HIP1: variants seen among roughly 807,000 people sequenced by gnomAD.
HIP1 encodes huntingtin-interacting protein 1.
Under a neutral mutation model 147.6 loss-of-function variants are expected in HIP1, and 65 were observed. The ratio of observed to expected loss-of-function variants is 0.44; its 90% CI spans 0.36 to 0.54. The LOEUF (loss-of-function observed/expected upper bound fraction) is 0.54, where lower values mean the gene tolerates loss of function less well. Among genes scored for constraint, HIP1 ranks in the 20% least tolerant of loss-of-function variants. The pLI is 0.00. For synonymous variants in HIP1, 479 were observed against 504.0 expected, an observed-to-expected ratio of 0.95 and a Z score of 0.67; for missense variants, 1,061 against 1,299.6, an observed-to-expected ratio of 0.82 and a Z score of 2.82.
intron 18 of HIP1, among the ~76,000 whole-genome samples, 164 bp from the exon 19 acceptor site, chr7:75,555,715 T>A (rs1374889130): frequency 1.3e-5 from 2 of 152,104 alleles, no homozygotes; most frequent in East Asian, 3.9e-4. Context: ...GTGCACAGGA[T>A]GTGCGGCTGC....
In HIP1 at chr7:75,615,861, G is replaced by A. The variant is rs370031851; in HGVS notation, c.121-16614C>T. 2.5e-3 allele frequency among the ~76,000 whole-genome samples: 374 copies of A among 152,042 alleles called. 1 individual carries two copies. Among genetic ancestry groups the A allele is most frequent in the African/African-American group, 8.3e-3 (344 of 41,490 alleles). ...AGCACTTTGGGAGGCTGAGGCAGGC[G>A]GATCACCTGAGGTCAGGAATTTGAG... On this transcript the variant is annotated intron_variant, in intron 1 of 30. Transcript: ENST00000336926.
At chr7:75,585,713 C>T (rs587736391) in intron 5 of HIP1, among the ~76,000 whole-genome samples, 1 of 152,160 alleles carries the variant, frequency 6.6e-6, no homozygotes, top group South Asian at 2.1e-4. Flanking sequence ...CCTATGTGCC[C>T]ACCCCTCTGC....
chr7:75,729,513 CA>C (rs1227874355), intron 1 of HIP1, among the ~76,000 whole-genome samples: 1 of 151,498 alleles, frequency 6.6e-6, no homozygotes, highest in African/African-American at 2.4e-5. Context: ...CGGCCGGGCG[CA>C]ATGGCTCACG....
intron 1 of HIP1, among the ~76,000 whole-genome samples, chr7:75,630,036 T>G (rs1407827395): frequency 6.6e-6 from 1 of 152,158 alleles, no homozygotes; most frequent in African/African-American, 2.4e-5. Context: ...CATGCACCTG[T>G]AGTCCCAGCT....
Position 75,537,518 on chromosome 7 carries a change from A to T in HIP1, c.*654T>A, listed in dbSNP as rs1186050962. Reference sequence around the variant, plus strand: ...AGAGTTGGCTATGTGAGTGAAACTTAAAAAAAAAAACAAAACCAAAAAACC... The same window carrying T: ...AGAGTTGGCTATGTGAGTGAAACTTTAAAAAAAAAACAAAACCAAAAAACC... On this transcript the variant is annotated 3_prime_UTR_variant, in exon 31 of 31. Coordinates refer to ENST00000336926, the MANE Select transcript of HIP1 (RefSeq NM_005338.7). The T allele has an allele frequency of 1.5e-5, 3 of 194,766 alleles. No homozygotes were observed. Among genetic ancestry groups the T allele is most frequent in the Non-Finnish European group, 3.1e-5 (3 of 98,244 alleles). 12.1% of individuals were successfully genotyped at this position (194,766 alleles called of 1,614,324 possible).
chr7:75,693,364 G>A (rs111240602), intron 1 of HIP1, among the ~76,000 whole-genome samples: 6,334 of 152,056 alleles, frequency 0.042, 141 homozygotes, highest in Middle Eastern at 0.061. Context: ...TCTGCGGGGC[G>A]CCTGGTTTCC....
intron 1 of HIP1, among the ~76,000 whole-genome samples, chr7:75,650,453 C>CTTTT (rs782108312): frequency 4.0e-5 from 5 of 126,562 alleles, no homozygotes; most frequent in African/African-American, 1.2e-4. Context: ...GCCCAGTTAT[C>CTTTT]TTTTTTTTTT....
intron 5 of HIP1, among the ~76,000 whole-genome samples, chr7:75,583,634 C>A (rs146122147): frequency 6.6e-6 from 1 of 151,892 alleles, no homozygotes; most frequent in African/African-American, 2.4e-5. Context: ...CTGTTGCCCA[C>A]GCTGGAGTGC....
chr7:75,587,301 C>T (rs1163973704), intron 4 of HIP1, among the ~76,000 whole-genome samples: 3 of 152,080 alleles, frequency 2.0e-5, no homozygotes, highest in Admixed American at 2.0e-4. Flanking sequence ...AGACTAGTCT[C>T]GAACTTCTGA....
intron 7 of HIP1, among the ~76,000 whole-genome samples, chr7:75,575,374 C>T (rs1179426281): frequency 2.0e-5 from 3 of 152,020 alleles, no homozygotes; most frequent in East Asian, 1.9e-4. Flanking sequence ...GCAGGAGAAT[C>T]GCTTGAGCCT....
chr7:75,688,332 A>C (rs1800332944), intron 1 of HIP1, among the ~76,000 whole-genome samples: 1 of 152,018 alleles, frequency 6.6e-6, no homozygotes, highest in Non-Finnish European at 1.5e-5. Context: ...ACACACGCAG[A>C]AGTCCCTCAG....
At chr7:75,556,623 C>T in intron 17 of HIP1, 87 bp downstream of exon 17, 1 of 832,048 alleles carries the variant, frequency 1.2e-6, no homozygotes, top group Non-Finnish European at 2.0e-6. Flanking sequence ...GAGGTGGAGG[C>T]TGCAGTGAGC....
chr7:75,672,556 G>A (rs1394491109), intron 1 of HIP1, among the ~76,000 whole-genome samples: 1 of 152,110 alleles, frequency 6.6e-6, no homozygotes, highest in Non-Finnish European at 1.5e-5. Context: ...TCAAACTCCG[G>A]AGCTCCAGTG....
chr7:75,698,560 G>A (rs1002413617), intron 1 of HIP1, among the ~76,000 whole-genome samples: 10 of 152,128 alleles, frequency 6.6e-5, no homozygotes, highest in African/African-American at 2.4e-4. Context: ...GCTTGTGACT[G>A]TAATCCCAGC....
chr7:75,604,539 G>A lies in HIP1; in HGVS notation c.121-5292C>T, dbSNP rs1316418590. On this transcript the variant is annotated intron_variant, in intron 1 of 30. Transcript: ENST00000336926. ...ATATTAGCTGGGTATGGTGGCATGC[G>A]CCTGTATTCCCAGCTACTCTGGAGA... 3.9e-5 allele frequency among the ~76,000 whole-genome samples: 6 copies of A among 152,086 alleles called. No homozygotes were observed. The South Asian group carries it at 8.3e-4, about 21-fold the overall frequency.
intron 1 of HIP1, among the ~76,000 whole-genome samples, chr7:75,726,743 C>T (rs1554522383): frequency 6.7e-6 from 1 of 148,918 alleles, no homozygotes; most frequent in East Asian, 2.0e-4. Flanking sequence ...TCGCTCTGTC[C>T]ACCAGGCTGG....
chr7:75,731,439 C>T (rs1340867141), intron 1 of HIP1, among the ~76,000 whole-genome samples: 1 of 143,544 alleles, frequency 7.0e-6, no homozygotes, highest in African/African-American at 2.6e-5. Flanking sequence ...GCCGAGATGG[C>T]GCCATTGCAC....
chr7:75,697,185 G>A (rs1554518829), intron 1 of HIP1, among the ~76,000 whole-genome samples: 1 of 151,956 alleles, frequency 6.6e-6, no homozygotes. Context: ...CGTCTTTATC[G>A]TACAGTTAAT....
intron 1 of HIP1, among the ~76,000 whole-genome samples, chr7:75,721,340 C>T (rs942194263): frequency 3.9e-5 from 6 of 152,012 alleles, no homozygotes; most frequent in South Asian, 2.1e-4. Context: ...CACCACTGCA[C>T]TCCAGCCTGA....
Sources: gnomAD v4.1 joint callset for allele counts (sites outside exome capture counted in the v4.1 genomes callset) on GRCh38, gnomAD v4.1.1 for gene constraint, MANE v1.5 for transcripts, NCBI Gene and HGNC (gene_info 2026-07-23, HGNC 2026-07-21) for gene names.